Variants in ITSN2 observed in about 807,000 individuals in gnomAD.
ITSN2 encodes the protein intersectin 2, also known as intersectin-2.
Under a neutral mutation model 243.7 loss-of-function variants are expected in ITSN2, and 156 were observed. That is an observed-to-expected ratio of 0.64 (90% CI 0.56 to 0.73). The LOEUF (loss-of-function observed/expected upper bound fraction) is 0.73, where lower values mean the gene tolerates loss of function less well. ITSN2 is among the 30% of genes least tolerant of loss of function. The pLI is 0.00. For missense variants in ITSN2, 1,801 were observed against 1,996.1 expected, an observed-to-expected ratio of 0.90 and a Z score of 1.86; for synonymous variants, 703 against 699.9, an observed-to-expected ratio of 1.00 and a Z score of -0.07.
At position 24,212,750 on chromosome 2, in the gene ITSN2, T is replaced by C; in HGVS notation, c.3991-2A>G. 5 of 1,613,394 alleles carry C rather than the reference T, an allele frequency of 3.1e-6. No homozygotes were observed. The highest frequency in any genetic ancestry group is 1.3e-5 in the African/African-American group (1 of 75,034). On this transcript the variant is annotated splice_acceptor_variant, in intron 32 of 39. Coordinates refer to ENST00000355123, the MANE Select transcript of ITSN2 (RefSeq NM_006277.3). LOFTEE classifies it high-confidence loss of function. The stretch of plus-strand genomic sequence containing the variant: ...ACACCGCGGGTCAGATGCCAGCTTC[T>C]GCAAAACAACAGTGAGGCTCGTGAG...
rs371044779 is a variant in ITSN2 at position 24,249,853 on chromosome 2, G to A, written c.3121-971C>T. Among the ~76,000 whole-genome samples, 1 of 152,146 alleles carries A rather than the reference G, an allele frequency of 6.6e-6. No homozygotes were observed. The highest frequency in any genetic ancestry group is 2.4e-5 in the African/African-American group (1 of 41,438). On this transcript the variant is annotated intron_variant, in intron 25 of 39. Coordinates refer to ENST00000355123, the MANE Select transcript of ITSN2 (RefSeq NM_006277.3). This position sits in a 1 kb window ranked among gnomAD's most constrained non-coding sequence, Gnocchi z 4.4. ...AATAGTCCTTGAGCCTCTTTCAGGG[G>A]TCTGTGGGATAAAAACTATCTTCAT... is the stretch of plus-strand genomic sequence containing the variant.
rs985305853 is a variant in ITSN2, at chr2:24,205,379, G to C, written c.4679-82C>G. ...CTTTCAAACCAACCATAACACTACC[G>C]GCTCCCTGTCCCCATCTGCCACTGC... On this transcript the variant is annotated intron_variant, in intron 37 of 39. Coordinates refer to ENST00000355123, the MANE Select transcript of ITSN2 (RefSeq NM_006277.3). 5 of 1,183,090 alleles carry C rather than the reference G, an allele frequency of 4.2e-6. No homozygotes were observed. In the African/African-American group the frequency reaches 6.0e-5, roughly 14 times the overall value. The allele number at this position is 1,183,090 out of a possible 1,614,324, so 73.3% of individuals were successfully genotyped here. A position where few individuals can be genotyped will look rare whatever the true frequency, so the allele number is the denominator to read the frequency against.
Position 24,297,630 on chromosome 2 carries a change from G to A in ITSN2, c.1494+1035C>T, listed in dbSNP as rs940444566. On this transcript the variant is annotated intron_variant, in intron 13 of 39. Transcript: ENST00000355123. ...GTCAAGCTTCTCTGTTGTGAAGCGT[G>A]GGAAGAATTAGGGAGAGAAAATCAC... Among the ~76,000 whole-genome samples the A allele has an allele frequency of 2.0e-5, 3 of 152,140 alleles. No individual in the cohort carries two copies. In the South Asian group the frequency reaches 6.2e-4, roughly 32 times the overall value.
intron 1 of ITSN2, among the ~76,000 whole-genome samples, chr2:24,341,932 A>G (rs1274877662): frequency 2.0e-5 from 3 of 152,182 alleles, no homozygotes; most frequent in African/African-American, 7.2e-5. Flanking sequence ...TAGGTGACAG[A>G]ACAAAACTAT....
At chr2:24,297,131 T>C (rs1681068702) in intron 13 of ITSN2, among the ~76,000 whole-genome samples, 1 of 152,228 alleles carries the variant, frequency 6.6e-6, no homozygotes, top group African/African-American at 2.4e-5. Context: ...GGTATGTATG[T>C]CTATCCATTT....
intron 8 of ITSN2, 30 bp downstream of exon 8, chr2:24,308,587 T>G (rs1408696895): frequency 7.5e-7 from 1 of 1,330,668 alleles, no homozygotes. Context: ...AGACCCTTTT[T>G]CATGCTCTTC....
At chr2:24,278,393 T>C (rs891783193) in intron 17 of ITSN2, among the ~76,000 whole-genome samples, 2 of 152,182 alleles carry the variant, frequency 1.3e-5, no homozygotes, top group East Asian at 3.9e-4. Flanking sequence ...TAGTACAACA[T>C]GGATATTTAA....
chr2:24,341,142 A>AT (rs1558656402), intron 1 of ITSN2, among the ~76,000 whole-genome samples: 2 of 152,234 alleles, frequency 1.3e-5, no homozygotes, highest in Admixed American at 6.5e-5. Flanking sequence ...GAGCAGTAAT[A>AT]TTAACCAAGA....
At chr2:24,302,415 G>T (rs1019638029) in intron 9 of ITSN2, among the ~76,000 whole-genome samples, 1 of 152,022 alleles carries the variant, frequency 6.6e-6, no homozygotes, top group African/African-American at 2.4e-5. Flanking sequence ...AGCCAGGATG[G>T]TCTCGATCTC....
intron 29 of ITSN2, among the ~76,000 whole-genome samples, chr2:24,237,813 C>T (rs2151237601): frequency 6.6e-6 from 1 of 152,250 alleles, no homozygotes; most frequent in Non-Finnish European, 1.5e-5. Flanking sequence ...TCCCCACGAT[C>T]AGGCCGAACT....
chr2:24,270,263 T>C (rs1677180370), intron 20 of ITSN2, among the ~76,000 whole-genome samples: 2 of 152,232 alleles, frequency 1.3e-5, no homozygotes, highest in Non-Finnish European at 2.9e-5. Flanking sequence ...GTATTTTATA[T>C]GGATTGTGAT....
chr2:24,312,847 G>A (rs1683420518), intron 4 of ITSN2, among the ~76,000 whole-genome samples: 1 of 151,944 alleles, frequency 6.6e-6, no homozygotes, highest in African/African-American at 2.4e-5. Flanking sequence ...AAGGAGCAGG[G>A]GAAGCGAGGA....
At chr2:24,236,325 C>T (rs1672143035) in intron 29 of ITSN2, among the ~76,000 whole-genome samples, 1 of 151,896 alleles carries the variant, frequency 6.6e-6, no homozygotes, top group Non-Finnish European at 1.5e-5. Flanking sequence ...TTAGTGCCTG[C>T]TCAGGGCTGA....
At chr2:24,341,875 G>GT (rs1687076449) in intron 1 of ITSN2, among the ~76,000 whole-genome samples, 1 of 152,116 alleles carries the variant, frequency 6.6e-6, no homozygotes, top group African/African-American at 2.4e-5. Flanking sequence ...AGGAAAAAAG[G>GT]TAAGATTTAA....
intron 17 of ITSN2, 66 bp downstream of exon 17, chr2:24,284,697 T>C (rs905923213): frequency 3.3e-6 from 3 of 900,574 alleles, no homozygotes; most frequent in Non-Finnish European, 5.5e-6. Flanking sequence ...CAAAGAATAG[T>C]CTAGTTTTAA....
chr2:24,356,729 C>G (rs1688485197), intron 1 of ITSN2, among the ~76,000 whole-genome samples: 1 of 152,084 alleles, frequency 6.6e-6, no homozygotes. Flanking sequence ...GCCTGGCCAA[C>G]ATGTCTCTAC....
chr2:24,359,449 C>CA (rs1263126481), intron 1 of ITSN2, among the ~76,000 whole-genome samples: 1 of 152,122 alleles, frequency 6.6e-6, no homozygotes, highest in South Asian at 2.1e-4. Context: ...TTGGCTCCAT[C>CA]AAAAAATATT....
At chr2:24,290,996 T>G (rs1680173322) in intron 15 of ITSN2, among the ~76,000 whole-genome samples, 1 of 152,232 alleles carries the variant, frequency 6.6e-6, no homozygotes, top group African/African-American at 2.4e-5. Context: ...TTCCCAAGTT[T>G]CATTTTAAGA....
At chr2:24,286,060 AAAC>A (rs1679458927) in intron 16 of ITSN2, 149 bp downstream of exon 16, 2 of 572,732 alleles carry the variant, frequency 3.5e-6, no homozygotes, top group Non-Finnish European at 6.1e-6. Context: ...AGAACATTAA[AAAC>A]AATCTTGAAA....
Sources: gnomAD v4.1 joint callset for allele counts (sites outside exome capture counted in the v4.1 genomes callset) on GRCh38, gnomAD v4.1.1 for gene constraint, Gnocchi (gnomAD v3.1) non-coding constraint, MANE v1.5 for transcripts, NCBI Gene and HGNC (gene_info 2026-07-23, HGNC 2026-07-21) for gene names.